BCL2L15: variants seen among roughly 807,000 people sequenced by gnomAD.
BCL2L15 encodes bcl-2-like protein 15.
In BCL2L15, 15 loss-of-function variants were observed where a neutral mutation model predicts 18.3. That is an observed-to-expected ratio of 0.82 (90% CI 0.55 to 1.26). The LOEUF (loss-of-function observed/expected upper bound fraction) is 1.26, where lower values mean the gene tolerates loss of function less well. Among genes scored for constraint, BCL2L15 ranks in the 50% most tolerant of loss-of-function variants. The pLI, the probability that BCL2L15 is intolerant of heterozygous loss-of-function variation, is 0.00. For missense variants in BCL2L15, 180 were observed against 201.7 expected (o/e 0.89, Z 0.65); for synonymous variants, 58 against 68.5 (o/e 0.85, Z 0.76).
rs746706671 is a variant in BCL2L15 at position 113,881,977 on chromosome 1, G to A, written c.270C>T (p.Asp90=). 3.7e-6 allele frequency: 6 copies of A among 1,613,724 alleles called. No individual in the cohort carries two copies. The highest frequency in any genetic ancestry group is 2.2e-5 in the East Asian group (1 of 44,898). Residue 90 remains aspartate, a synonymous_variant, in exon 3 of 4, where the codon GAC becomes GAT. Transcript: ENST00000393316. Reference sequence around the variant, plus strand: ...AGGTCTTGCTGAGAGATTCCACAGTGTCCTGGAGTATAGCTCCTGTCTGAG... The same window carrying A: ...AGGTCTTGCTGAGAGATTCCACAGTATCCTGGAGTATAGCTCCTGTCTGAG... ...IKGQTGAILQ[D]TVESLSKTWC...
chr1:113,876,845 G>T lies in BCL2L15; in HGVS notation c.*4278C>A, dbSNP rs1666742066. Among the ~76,000 whole-genome samples, 1 of 152,000 alleles carries T rather than the reference G, an allele frequency of 6.6e-6. No individual in the cohort carries two copies. Among genetic ancestry groups the T allele is most frequent in the Non-Finnish European group, 1.5e-5 (1 of 68,008 alleles). ...TCAATCAGCTATTCATTCATTTAAT[G>T]AATATTTTTAATATCGATGTACATG... On this transcript the variant is annotated 3_prime_UTR_variant, in exon 4 of 4. Transcript: ENST00000393316.
rs1666791811 is a variant in BCL2L15, at chr1:113,878,861, T to G, written c.*2262A>C. 1.3e-5 allele frequency: 2 copies of G among 152,140 alleles called. No homozygotes were observed. Among genetic ancestry groups the G allele is most frequent in the South Asian group, 2.1e-4 (1 of 4,832 alleles). The allele number at this position is 152,140 out of a possible 1,614,324, so 9.4% of individuals were successfully genotyped here. ...AGCATAACTTTATTTATTTTCTTTT[T>G]TTTTTTTTAGACAGTTTCGCTTTTG... On this transcript the variant is annotated 3_prime_UTR_variant, in exon 4 of 4. Coordinates refer to ENST00000393316, the MANE Select transcript of BCL2L15 (RefSeq NM_001010922.3).
chr1:113,882,028 G>A lies in BCL2L15; in HGVS notation c.250-31C>T, dbSNP rs75337507. ...GAAAGACAAAGGAAACATCAACAGA[G>A]TATCACTCAAAAAGTGCAGGAGGCT... is the stretch of plus-strand genomic sequence containing the variant. On this transcript the variant is annotated intron_variant, in intron 2 of 3. Coordinates refer to ENST00000393316, the MANE Select transcript of BCL2L15 (RefSeq NM_001010922.3). 241 of 1,585,996 alleles carry A rather than the reference G, an allele frequency of 1.5e-4. No individual in the cohort carries two copies. In the African/African-American group the frequency reaches 2.9e-3, roughly 19 times the overall value.
Position 113,887,189 on chromosome 1 carries a change from C to T in BCL2L15, c.127+60G>A, listed in dbSNP as rs112780009. On this transcript the variant is annotated intron_variant, in intron 1 of 3. Transcript: ENST00000393316. Reference sequence around the variant, plus strand: ...CTGGGATTACGGGAATCAGTCACTGCGCCCGGCTGAAAACATACTCTTATT... The same window carrying T: ...CTGGGATTACGGGAATCAGTCACTGTGCCCGGCTGAAAACATACTCTTATT... 4.4e-4 allele frequency: 665 copies of T among 1,517,644 alleles called. 3 individuals are homozygous for T. In the African/African-American group the frequency reaches 7.9e-3, roughly 18 times the overall value. 94.0% of individuals were successfully genotyped at this position (1,517,644 alleles called of 1,614,324 possible). A position where few individuals can be genotyped will look rare whatever the true frequency, so the allele number is the denominator to read the frequency against.
chr1:113,881,476 T>C, intron 3 of BCL2L15: 1 of 1,345,908 alleles, frequency 7.4e-7, no homozygotes, highest in Non-Finnish European at 9.5e-7. Context: ...AGGCTGAAAT[T>C]AGAACTCTAT....
Position 113,887,535 on chromosome 1 carries a change from C to T in BCL2L15, c.-160G>A, listed in dbSNP as rs1418596186. The T allele has an allele frequency of 2.1e-6, 2 of 947,216 alleles. No individual in the cohort carries two copies. Among genetic ancestry groups the T allele is most frequent in the Admixed American group, 2.4e-5 (1 of 42,004 alleles). 58.7% of individuals were successfully genotyped at this position (947,216 alleles called of 1,614,324 possible). A position where few individuals can be genotyped will look rare whatever the true frequency, so the allele number is the denominator to read the frequency against. On this transcript the variant is annotated 5_prime_UTR_variant, in exon 1 of 4. Coordinates refer to ENST00000393316, the MANE Select transcript of BCL2L15 (RefSeq NM_001010922.3). ...TCCCACTAGCTTTCTTCAAACACAG[C>T]TGCTCAGAAAGGTGGGACTTCTCAG...
In BCL2L15 at chr1:113,881,819, T is replaced by C. The variant is rs188759678; in HGVS notation, c.428A>G (p.Asn143Ser). ...GAACTCCCGGATGGCTTGGTTCCCA[T>C]TGATCATACCCGTCATGGGGATAGC... ...QVAIPMTGMI[N>S]GNQAIREFIQ... is the part of the protein sequence containing the mutation. The change falls in exon 3 of 4, where the codon AAT becomes AGT. Residue 143 changes from asparagine (N) to serine (S), a missense_variant. Physicochemically the swap from Asn to Ser is conservative, Grantham distance 46 (BLOSUM62 1). Coordinates refer to ENST00000393316, the MANE Select transcript of BCL2L15 (RefSeq NM_001010922.3). 5.8e-5 allele frequency: 94 copies of C among 1,614,216 alleles called. No homozygotes were observed. The highest frequency in any genetic ancestry group is 7.4e-5 in the Non-Finnish European group (87 of 1,180,024).
At position 113,877,337 on chromosome 1, in the gene BCL2L15, T is replaced by A. The variant is rs539740718; in HGVS notation, c.*3786A>T. On this transcript the variant is annotated 3_prime_UTR_variant, in exon 4 of 4. Transcript: ENST00000393316. ...GCAGCTGAAGGTTTTTTTTTTTTTT[T>A]TAAAAAAAACAACCTTATTAAGGTA... 5.8e-3 allele frequency among the ~76,000 whole-genome samples: 865 copies of A among 149,792 alleles called. 13 individuals are homozygous for A. The highest frequency in any genetic ancestry group is 0.018 in the African/African-American group (715 of 40,518).
At chr1:113,882,132 A>G in intron 2 of BCL2L15, 135 bp from the exon 3 acceptor site, 1 of 617,786 alleles carries the variant, frequency 1.6e-6, no homozygotes, top group South Asian at 2.2e-5. Context: ...GAAATCTTAG[A>G]GAGTAGATGA....
chr1:113,881,851 T>C lies in BCL2L15; in HGVS notation c.396A>G (p.Gly132=). 6.2e-7 allele frequency: 1 copy of C among 1,614,222 alleles called. No individual in the cohort carries two copies. The change falls in exon 3 of 4, where the codon GGA becomes GGG. Residue 132 remains glycine, a synonymous_variant. Coordinates refer to ENST00000393316, the MANE Select transcript of BCL2L15 (RefSeq NM_001010922.3). ...YMAHIAPEVV[G]QVAIPMTGMI... is the part of the protein sequence containing the mutation. ...TACCCGTCATGGGGATAGCCACCTG[T>C]CCCACTACTTCAGGAGCAATGTGAG... is the stretch of plus-strand genomic sequence containing the variant.
In BCL2L15 at chr1:113,887,439, G is replaced by A; in HGVS notation, c.-64C>T. 1.2e-6 allele frequency: 2 copies of A among 1,607,922 alleles called. No individual in the cohort carries two copies. The highest frequency in any genetic ancestry group is 2.2e-5 in the East Asian group (1 of 44,694). ...CAAGCAGTTTTCAGCCCAGCAGGAAGTTAAAAACACTGGTAAATCAACAAA... is the reference window on the plus strand; with the variant it reads ...CAAGCAGTTTTCAGCCCAGCAGGAAATTAAAAACACTGGTAAATCAACAAA... On this transcript the variant is annotated 5_prime_UTR_variant, in exon 1 of 4. Coordinates refer to ENST00000393316, the MANE Select transcript of BCL2L15 (RefSeq NM_001010922.3).
chr1:113,887,501 T>A lies in BCL2L15; in HGVS notation c.-126A>T. On this transcript the variant is annotated 5_prime_UTR_variant, in exon 1 of 4. Coordinates refer to ENST00000393316, the MANE Select transcript of BCL2L15 (RefSeq NM_001010922.3). ...CTTGTAGTTTCCTGACATGTAATCC[T>A]GGAACTTTTCCCACTAGCTTTCTTC... 7.4e-7 allele frequency: 1 copy of A among 1,348,062 alleles called. No homozygotes were observed. The highest frequency in any genetic ancestry group is 1.0e-6 in the Non-Finnish European group (1 of 976,254). 83.5% of individuals were successfully genotyped at this position (1,348,062 alleles called of 1,614,324 possible). A position where few individuals can be genotyped will look rare whatever the true frequency, so the allele number is the denominator to read the frequency against.
intron 1 of BCL2L15, 111 bp from the exon 2 acceptor site, chr1:113,886,769 T>A: frequency 9.6e-7 from 1 of 1,044,858 alleles, no homozygotes. Context: ...CATATCATGA[T>A]CTCCCAAGAG....
chr1:113,878,522 T>C lies in BCL2L15; in HGVS notation c.*2601A>G. On this transcript the variant is annotated 3_prime_UTR_variant, in exon 4 of 4. Transcript: ENST00000393316. Reference sequence around the variant, plus strand: ...CAAGATAATGCAGTATACTTGGAACTGTTTTATGAGCAACATAGGATAAAA... The same window carrying C: ...CAAGATAATGCAGTATACTTGGAACCGTTTTATGAGCAACATAGGATAAAA... The C allele has an allele frequency of 6.6e-6, 1 of 152,402 alleles. No homozygotes were observed. Among genetic ancestry groups the C allele is most frequent in the East Asian group, 1.9e-4 (1 of 5,342 alleles). The allele number at this position is 152,402 out of a possible 1,614,324, so 9.4% of individuals were successfully genotyped here. A position where few individuals can be genotyped will look rare whatever the true frequency, so the allele number is the denominator to read the frequency against.
chr1:113,883,007 C>T (rs748950123), intron 2 of BCL2L15, among the ~76,000 whole-genome samples: 1 of 152,028 alleles, frequency 6.6e-6, no homozygotes, highest in Non-Finnish European at 1.5e-5. Context: ...GTAGCTCTTC[C>T]TTTTCCTCTT....
chr1:113,886,165 G>A (rs921296485), intron 2 of BCL2L15, among the ~76,000 whole-genome samples: 2 of 148,704 alleles, frequency 1.3e-5, no homozygotes, highest in Admixed American at 1.3e-4. Flanking sequence ...GCAGTGAGCT[G>A]AGATCACACC....
chr1:113,884,436 C>T (rs989335417), intron 2 of BCL2L15, among the ~76,000 whole-genome samples: 3 of 152,172 alleles, frequency 2.0e-5, no homozygotes, highest in Non-Finnish European at 4.4e-5. Flanking sequence ...GAAATCACAA[C>T]TAAATGCAGT....
rs765498845 is a variant in BCL2L15, at chr1:113,880,761, A to G, written c.*362T>C. ...TTTCCATTGTTCTCCCTTTCTCTCA[A>G]AATACCTCCAGCAAAGGCCTGCCCT... On this transcript the variant is annotated 3_prime_UTR_variant, in exon 4 of 4. Coordinates refer to ENST00000393316, the MANE Select transcript of BCL2L15 (RefSeq NM_001010922.3). 4.9e-5 allele frequency: 11 copies of G among 224,270 alleles called. No homozygotes were observed. Among genetic ancestry groups the G allele is most frequent in the Non-Finnish European group, 8.7e-5 (10 of 114,782 alleles). 13.9% of individuals were successfully genotyped at this position (224,270 alleles called of 1,614,324 possible).
intron 2 of BCL2L15, among the ~76,000 whole-genome samples, chr1:113,883,264 C>G (rs988040115): frequency 1.3e-5 from 2 of 151,948 alleles, no homozygotes; most frequent in African/African-American, 4.8e-5. Context: ...AGGCAGATCA[C>G]GAGGTCAGGA....
Sources: allele counts gnomAD v4.1 joint callset (sites outside exome capture counted in the v4.1 genomes callset), GRCh38; gene constraint gnomAD v4.1.1; transcripts MANE v1.5; gene names NCBI Gene and HGNC (gene_info 2026-07-23, HGNC 2026-07-21).